The following KATNBL1 variants were observed in gnomAD, a reference collection of about 807,000 sequenced individuals.
KATNBL1 encodes the protein KATNB1-like protein 1.
In KATNBL1, 28 loss-of-function variants were observed where a neutral mutation model predicts 44.7. The observed-to-expected ratio is 0.63, with a 90% CI of 0.46 to 0.86. The LOEUF is 0.86. Among genes scored for constraint, KATNBL1 ranks in the 40% least tolerant of loss-of-function variants. The pLI is 0.00. For synonymous variants in KATNBL1, 78 were observed against 114.9 expected, an observed-to-expected ratio of 0.68 and a Z score of 2.06; for missense variants, 272 against 350.7, an observed-to-expected ratio of 0.78 and a Z score of 1.79.
intron 1 of KATNBL1, among the ~76,000 whole-genome samples, chr15:34,178,593 TA>T (rs1415509339): frequency 5.9e-5 from 9 of 151,878 alleles, no homozygotes; most frequent in Non-Finnish European, 1.3e-4. Flanking sequence ...CTGTCTCTAC[TA>T]AAAATACAAA....
chr15:34,161,417 T>C (rs1247293522), intron 2 of KATNBL1, among the ~76,000 whole-genome samples: 2 of 152,134 alleles, frequency 1.3e-5, no homozygotes, highest in Non-Finnish European at 2.9e-5. Context: ...CAGAGGAGAA[T>C]GGGAATCCCG....
At chr15:34,143,964 C>T (rs1416685586) in intron 9 of KATNBL1, among the ~76,000 whole-genome samples, 1 of 22,312 alleles carries the variant, frequency 4.5e-5, no homozygotes. Flanking sequence ...GAGATTCCAT[C>T]TCAAAAAAAA....
intron 1 of KATNBL1, among the ~76,000 whole-genome samples, chr15:34,172,736 C>G: frequency 6.9e-6 from 1 of 144,744 alleles, no homozygotes; most frequent in Admixed American, 7.2e-5. Context: ...CACAGACACA[C>G]AGACACATAG....
At chr15:34,198,314 A>T (rs1890079316) in intron 1 of KATNBL1, 1 of 152,144 alleles carries the variant, frequency 6.6e-6, no homozygotes, top group African/African-American at 2.4e-5. Flanking sequence ...TGAAATTCTC[A>T]CCATCATCCC....
At chr15:34,207,037 CTTTTT>C (rs10713100) in intron 1 of KATNBL1, among the ~76,000 whole-genome samples, 2 of 140,134 alleles carry the variant, frequency 1.4e-5, no homozygotes, top group Admixed American at 7.2e-5. Flanking sequence ...CTAGACAATA[CTTTTT>C]TTTTTTTTTT....
At chr15:34,191,188 T>TATATATATATATATATATATC (rs1331589830) in intron 1 of KATNBL1, among the ~76,000 whole-genome samples, 1 of 137,908 alleles carries the variant, frequency 7.3e-6, no homozygotes, top group Non-Finnish European at 1.6e-5. Flanking sequence ...TATATATATA[T>TATATATATATATATATATATC]TTGGTAGGGC....
At position 34,210,066 on chromosome 15, in the gene KATNBL1, G is replaced by A. The variant is rs910732212; in HGVS notation, c.-130C>T. 6.6e-6 allele frequency: 1 copy of A among 151,530 alleles called. No homozygotes were observed. The highest frequency in any genetic ancestry group is 1.5e-5 in the Non-Finnish European group (1 of 67,802). 9.4% of individuals were successfully genotyped at this position (151,530 alleles called of 1,614,324 possible). A position where few individuals can be genotyped will look rare whatever the true frequency, so the allele number is the denominator to read the frequency against. ...GAGTCCCACTCAGGGCCATTCAAACGCGGCCGCGCGCGCGGCCCGCCGGGA... is the reference window on the plus strand; with the variant it reads ...GAGTCCCACTCAGGGCCATTCAAACACGGCCGCGCGCGCGGCCCGCCGGGA... On this transcript the variant is annotated 5_prime_UTR_variant, in exon 1 of 10. Transcript: ENST00000256544.
intron 7 of KATNBL1, 67 bp downstream of exon 7, chr15:34,147,133 A>G: frequency 1.1e-6 from 1 of 952,292 alleles, no homozygotes; most frequent in Non-Finnish European, 1.7e-6. Context: ...TCTACTATGT[A>G]CTCACAAAGC....
At chr15:34,151,436 C>CTTTTTTTTTT (rs58824450) in intron 4 of KATNBL1, among the ~76,000 whole-genome samples, 2 of 60,678 alleles carry the variant, frequency 3.3e-5, no homozygotes, top group Non-Finnish European at 5.9e-5. Flanking sequence ...CCTTTGCCTA[C>CTTTTTTTTTT]TTTTTTTTTT....
chr15:34,207,185 G>A (rs1043750033), intron 1 of KATNBL1, among the ~76,000 whole-genome samples: 1 of 151,374 alleles, frequency 6.6e-6, no homozygotes, highest in Admixed American at 6.6e-5. Flanking sequence ...GACTACAGGC[G>A]CATGCCACTA....
chr15:34,205,325 T>C (rs1173183246), intron 1 of KATNBL1, among the ~76,000 whole-genome samples: 1 of 152,194 alleles, frequency 6.6e-6, no homozygotes, highest in East Asian at 1.9e-4. Context: ...CCATGAATCC[T>C]CCATGGATGA....
chr15:34,192,746 G>A (rs571933259), intron 1 of KATNBL1, among the ~76,000 whole-genome samples: 4 of 152,208 alleles, frequency 2.6e-5, no homozygotes, highest in Non-Finnish European at 4.4e-5. Context: ...CATAGAAGAA[G>A]AAAAAATCAG....
At position 34,148,384 on chromosome 15, in the gene KATNBL1, G is replaced by A. The variant is rs147623630; in HGVS notation, c.557+248C>T. The stretch of plus-strand genomic sequence containing the variant: ...AAGGTTCACCTGAGCTCAGGAGTTC[G>A]AGACCAGCCCGGGAAACATAAGACC... On this transcript the variant is annotated intron_variant, in intron 5 of 9. Transcript: ENST00000256544. 3.1e-3 allele frequency: 850 copies of A among 272,340 alleles called. 10 individuals carry two copies. The highest frequency in any genetic ancestry group is 0.018 in the African/African-American group (786 of 44,658). The allele number at this position is 272,340 out of a possible 1,614,324, so 16.9% of individuals were successfully genotyped here.
At position 34,159,286 on chromosome 15, in the gene KATNBL1, TC is replaced by T. The variant is rs1185033674; in HGVS notation, c.117+4273del. On this transcript the variant is annotated intron_variant, in intron 2 of 9. Coordinates refer to ENST00000256544, the MANE Select transcript of KATNBL1 (RefSeq NM_024713.3). ...GGCCCCCGTGTTTTTGAGTGAGTAC[TC>T]CTAAGGCTACTGTTTTGTTTACATT... is the stretch of plus-strand genomic sequence containing the variant. Among the ~76,000 whole-genome samples the T allele has an allele frequency of 2.6e-5, 4 of 152,324 alleles. No homozygotes were observed. In the East Asian group the frequency reaches 7.7e-4, roughly 29 times the overall value.
At chr15:34,179,438 G>A (rs750645879) in intron 1 of KATNBL1, among the ~76,000 whole-genome samples, 1 of 152,130 alleles carries the variant, frequency 6.6e-6, no homozygotes, top group Non-Finnish European at 1.5e-5. Context: ...CTGTCACATA[G>A]GGGATTAAGT....
chr15:34,184,415 T>A (rs1318009627), intron 1 of KATNBL1, among the ~76,000 whole-genome samples: 1 of 147,928 alleles, frequency 6.8e-6, no homozygotes, highest in African/African-American at 2.5e-5. Context: ...TACAGTGAGC[T>A]GAGATCGCTA....
chr15:34,187,536 G>C (rs1276160865), intron 1 of KATNBL1, among the ~76,000 whole-genome samples: 1 of 152,088 alleles, frequency 6.6e-6, no homozygotes, highest in East Asian at 1.9e-4. Context: ...TAATACTATA[G>C]TTTTCATCTG....
chr15:34,150,836 C>G (rs1171129807), intron 4 of KATNBL1, among the ~76,000 whole-genome samples: 1 of 152,166 alleles, frequency 6.6e-6, no homozygotes, highest in Non-Finnish European at 1.5e-5. Context: ...GTGTTTAGCT[C>G]CCACTCCAAC....
chr15:34,146,435 C>T (rs1888313249), intron 8 of KATNBL1: 3 of 202,902 alleles, frequency 1.5e-5, no homozygotes. Flanking sequence ...CGCAGGGTGC[C>T]TCCATTCCTT....
Sources: allele counts gnomAD v4.1 joint callset (sites outside exome capture counted in the v4.1 genomes callset), GRCh38; gene constraint gnomAD v4.1.1; transcripts MANE v1.5; gene names NCBI Gene and HGNC (gene_info 2026-07-23, HGNC 2026-07-21).